The following ESYT3 variants were observed in gnomAD, a reference collection of about 807,000 sequenced individuals.
The protein encoded by ESYT3 is extended synaptotagmin-3.
In ESYT3, 101 loss-of-function variants were observed where a neutral mutation model predicts 111.5. That is an observed-to-expected ratio of 0.91 (90% CI 0.77 to 1.07). ESYT3 has a LOEUF of 1.07. Among genes scored for constraint, ESYT3 ranks in the 50% least tolerant of loss-of-function variants. ESYT3 has a pLI of 0.00. For synonymous variants in ESYT3, 416 were observed against 446.8 expected (o/e 0.93, Z 0.87); for missense variants, 1,097 against 1,109.4 (o/e 0.99, Z 0.16).
In ESYT3 at chr3:138,457,625, A is replaced by G. The variant is rs1411900090; in HGVS notation, c.562A>G (p.Thr188Ala). The change falls in exon 4 of 23, where the codon ACT becomes GCT. Residue 188 changes from threonine (T) to alanine (A), a missense_variant. By Grantham distance (58) the Thr-to-Ala change is moderately conservative. Coordinates refer to ENST00000389567, the MANE Select transcript of ESYT3 (RefSeq NM_031913.5). ...HTNTCNRRRV[T>A]VDLQICYIGD... ...TAATACGTGCAACCGAAGACGTGTGACTGTGGACCTGCAGATCTGGTGAGC... is the reference window on the plus strand; with the variant it reads ...TAATACGTGCAACCGAAGACGTGTGGCTGTGGACCTGCAGATCTGGTGAGC... The G allele has an allele frequency of 1.9e-6, 3 of 1,614,142 alleles. No individual in the cohort carries two copies. The highest frequency in any genetic ancestry group is 1.7e-6 in the Non-Finnish European group (2 of 1,180,028).
downstream of ESYT3, chr3:138,481,492 C>G (rs971290407): frequency 6.6e-6 from 1 of 152,016 alleles, no homozygotes; most frequent in Non-Finnish European, 1.5e-5. Context: ...TCAGCCTCCT[C>G]AGTAGCTGGG....
intron 1 of ESYT3, among the ~76,000 whole-genome samples, chr3:138,437,768 G>A (rs1334217972): frequency 6.6e-6 from 1 of 152,132 alleles, no homozygotes; most frequent in African/African-American, 2.4e-5. Context: ...GTGGGAGTGG[G>A]ACTTTAGATG....
Position 138,472,550 on chromosome 3 carries a change from G to C in ESYT3, c.1928G>C (p.Ser643Thr). ...PASDTKDVSR[S>T]TTTTTSATTV... ...TCTGATACTAAGGACGTATCCAGGAGTACCACAACCACCACCAGTGCTACC... is the reference window on the plus strand; with the variant it reads ...TCTGATACTAAGGACGTATCCAGGACTACCACAACCACCACCAGTGCTACC... The change falls in exon 18 of 23, where the codon AGT becomes ACT. Residue 643 changes from serine to threonine, a missense_variant. Coordinates refer to ENST00000389567, the MANE Select transcript of ESYT3 (RefSeq NM_031913.5). The C allele has an allele frequency of 6.2e-7, 1 of 1,614,240 alleles. No individual in the cohort carries two copies. Among genetic ancestry groups the C allele is most frequent in the Non-Finnish European group, 8.5e-7 (1 of 1,180,036 alleles).
At chr3:138,473,696 A>G in intron 19 of ESYT3, 62 bp downstream of exon 19, 2 of 1,390,232 alleles carry the variant, frequency 1.4e-6, no homozygotes, top group Non-Finnish European at 2.0e-6. Context: ...AAATCAGAGT[A>G]GGGACACTCA....
intron 16 of ESYT3, chr3:138,470,587 T>C (rs538133319): frequency 8.4e-7 from 1 of 1,194,764 alleles, no homozygotes; most frequent in African/African-American, 1.5e-5. Context: ...CCCTGAGCCC[T>C]GCCTGGAGAG....
chr3:138,463,069 C>A (rs1343943303), intron 8 of ESYT3, among the ~76,000 whole-genome samples: 1 of 152,002 alleles, frequency 6.6e-6, no homozygotes, highest in Non-Finnish European at 1.5e-5. Context: ...TAGAGTTTTC[C>A]CCAGCATGCT....
At position 138,479,923 on chromosome 3, in the gene ESYT3, A is replaced by G. The variant is rs946085757; in HGVS notation, c.*3069A>G. 1.3e-5 allele frequency: 2 copies of G among 152,192 alleles called. No homozygotes were observed. The highest frequency in any genetic ancestry group is 2.9e-5 in the Non-Finnish European group (2 of 68,028). 9.4% of individuals were successfully genotyped at this position (152,192 alleles called of 1,614,324 possible). On this transcript the variant is annotated 3_prime_UTR_variant, in exon 23 of 23. Coordinates refer to ENST00000389567, the MANE Select transcript of ESYT3 (RefSeq NM_031913.5). ...TAAATACAAGAATTGCTAACTAGTA[A>G]AAGGTGGTTAAGTTTTTCATGTTTG...
At chr3:138,442,119 G>A (rs76318528) in intron 1 of ESYT3, among the ~76,000 whole-genome samples, 1 of 146,534 alleles carries the variant, frequency 6.8e-6, no homozygotes, top group South Asian at 2.2e-4. Flanking sequence ...CTAAAAATGT[G>A]TTTTTTTTTT....
intron 2 of ESYT3, among the ~76,000 whole-genome samples, chr3:138,454,359 G>A (rs762160037): frequency 6.6e-6 from 1 of 152,048 alleles, no homozygotes; most frequent in Non-Finnish European, 1.5e-5. Context: ...GCAACATGGT[G>A]AAACCCTGTC....
rs760492296 is a variant in ESYT3 at position 138,459,153 on chromosome 3, C to T, written c.582-34C>T. ...TTTCTGAGCAAGTGGACCTACCCCT[C>T]CTCCCCACCTTCCTTTTCCACCCCC... On this transcript the variant is annotated intron_variant, in intron 4 of 22. Transcript: ENST00000389567. 6.1e-6 allele frequency: 9 copies of T among 1,476,134 alleles called. No homozygotes were observed. In the South Asian group the frequency reaches 1.0e-4, roughly 16 times the overall value. The allele number at this position is 1,476,134 out of a possible 1,614,324, so 91.4% of individuals were successfully genotyped here.
Position 138,479,030 on chromosome 3 carries a change from A to G in ESYT3, c.*2176A>G, listed in dbSNP as rs1009392171. The G allele has an allele frequency of 6.6e-6, 1 of 152,236 alleles. No individual in the cohort carries two copies. Among genetic ancestry groups the G allele is most frequent in the South Asian group, 2.1e-4 (1 of 4,832 alleles). The allele number at this position is 152,236 out of a possible 1,614,324, so 9.4% of individuals were successfully genotyped here. On this transcript the variant is annotated 3_prime_UTR_variant, in exon 23 of 23. Coordinates refer to ENST00000389567, the MANE Select transcript of ESYT3 (RefSeq NM_031913.5). ...GGCACATATGCGACAACTGCAGCAG[A>G]TGGCTGTCACTAAAGGGAAACTCAC...
chr3:138,450,473 C>T (rs560410675), intron 1 of ESYT3, among the ~76,000 whole-genome samples: 7 of 152,318 alleles, frequency 4.6e-5, no homozygotes, highest in African/African-American at 4.8e-5. Flanking sequence ...CCAGCTGCAC[C>T]TCTGGGAACC....
At chr3:138,460,418 T>C (rs1009956062) in intron 6 of ESYT3, among the ~76,000 whole-genome samples, 193 bp from the exon 7 acceptor site, 4 of 152,174 alleles carry the variant, frequency 2.6e-5, no homozygotes, top group Non-Finnish European at 5.9e-5. Flanking sequence ...TACCGCTAGA[T>C]GCCTGAGCTG....
At chr3:138,436,635 T>C (rs1407038610) in intron 1 of ESYT3, among the ~76,000 whole-genome samples, 1 of 152,204 alleles carries the variant, frequency 6.6e-6, no homozygotes, top group Non-Finnish European at 1.5e-5. Flanking sequence ...GGGTAGCGCA[T>C]GGGGCCTGAC....
chr3:138,460,687 C>G (rs371205202), intron 7 of ESYT3, 21 bp downstream of exon 7: 1 of 1,613,718 alleles, frequency 6.2e-7, no homozygotes, highest in African/African-American at 1.3e-5. Context: ...GGGAGAGCCT[C>G]GAGGGAGATC....
In ESYT3 at chr3:138,440,124, C is replaced by T. The variant is rs868620906; in HGVS notation, c.327+4999C>T. On this transcript the variant is annotated intron_variant, in intron 1 of 22. Coordinates refer to ENST00000389567, the MANE Select transcript of ESYT3 (RefSeq NM_031913.5). This position sits in a 1 kb window ranked among gnomAD's most constrained non-coding sequence, Gnocchi z 4.2. ...TCCCGAGCCTGCTTTTCTCTGGTGA[C>T]ACATACCCCACAGGACCCCACTCGC... is the stretch of plus-strand genomic sequence containing the variant. Among the ~76,000 whole-genome samples, 1 of 152,272 alleles carries T rather than the reference C, an allele frequency of 6.6e-6. No individual in the cohort carries two copies. The highest frequency in any genetic ancestry group is 2.4e-5 in the African/African-American group (1 of 41,574).
chr3:138,445,177 G>C (rs1160650069), intron 1 of ESYT3, among the ~76,000 whole-genome samples: 1 of 152,216 alleles, frequency 6.6e-6, no homozygotes, highest in Non-Finnish European at 1.5e-5. Context: ...CTGCCAGGTG[G>C]TGTGGGTGAC....
chr3:138,437,999 T>C (rs2030851601), intron 1 of ESYT3, among the ~76,000 whole-genome samples: 1 of 152,126 alleles, frequency 6.6e-6, no homozygotes. Flanking sequence ...AGTGATGATA[T>C]GGAAAACCTG....
intron 2 of ESYT3, among the ~76,000 whole-genome samples, chr3:138,454,058 C>T (rs1053196598): frequency 1.2e-4 from 19 of 152,296 alleles, no homozygotes; most frequent in Non-Finnish European, 1.8e-4. Flanking sequence ...GATCAACATC[C>T]ATCAGCTCGG....
Sources: allele counts gnomAD v4.1 joint callset (sites outside exome capture counted in the v4.1 genomes callset), GRCh38; gene constraint gnomAD v4.1.1; non-coding constraint Gnocchi (gnomAD v3.1); transcripts MANE v1.5; gene names NCBI Gene and HGNC (gene_info 2026-07-23, HGNC 2026-07-21).